IMPA2: variants seen among roughly 807,000 people sequenced by gnomAD.
The protein encoded by IMPA2 is inositol monophosphatase 2, also known as IMP 2.
In IMPA2, 32 loss-of-function variants were observed where a neutral mutation model predicts 35.1. The observed-to-expected ratio is 0.91, with a 90% CI of 0.69 to 1.23. The LOEUF (loss-of-function observed/expected upper bound fraction) is 1.23, where lower values mean the gene tolerates loss of function less well. Ranked by LOEUF, IMPA2 falls within the 50% of genes most tolerant of loss-of-function variation. The pLI is 0.00. For synonymous variants in IMPA2, 135 were observed against 160.6 expected (o/e 0.84, Z 1.20); for missense variants, 334 against 387.6 (o/e 0.86, Z 1.16).
At chr18:12,008,301 T>C in intron 2 of IMPA2, 1 of 516,850 alleles carries the variant, frequency 1.9e-6, no homozygotes, top group Middle Eastern at 3.2e-4. Context: ...TTGCTTGTTT[T>C]TCACTTATTT....
intron 1 of IMPA2, among the ~76,000 whole-genome samples, chr18:11,987,802 G>A (rs1237935800): frequency 1.3e-5 from 2 of 152,132 alleles, no homozygotes; most frequent in Non-Finnish European, 2.9e-5. Flanking sequence ...CTGCCAAGTA[G>A]TTCTCTAAAG....
intron 2 of IMPA2, chr18:12,008,714 G>A (rs1225060998): frequency 2.7e-6 from 1 of 367,794 alleles, no homozygotes; most frequent in Non-Finnish European, 5.4e-6. Flanking sequence ...TTTTTGGCCT[G>A]AGCAGGGGGT....
At chr18:12,017,352 T>G (rs1340648833) in intron 5 of IMPA2, among the ~76,000 whole-genome samples, 3 of 152,292 alleles carry the variant, frequency 2.0e-5, no homozygotes, top group Middle Eastern at 3.4e-3. Flanking sequence ...TCAGCGTGTC[T>G]CCAAAAACAG....
chr18:12,027,298 G>C (rs377539760), intron 5 of IMPA2, among the ~76,000 whole-genome samples: 1 of 152,178 alleles, frequency 6.6e-6, no homozygotes, highest in African/African-American at 2.4e-5. Context: ...CCTGAGCCAG[G>C]CTTGCCAGCC....
chr18:12,008,421 A>C, intron 2 of IMPA2: 1 of 516,048 alleles, frequency 1.9e-6, no homozygotes, highest in Non-Finnish European at 3.9e-6. Context: ...TGCACAGAAC[A>C]GATGTTTGCT....
intron 2 of IMPA2, among the ~76,000 whole-genome samples, chr18:12,003,018 C>A (rs563148419): frequency 1.3e-5 from 2 of 150,790 alleles, no homozygotes; most frequent in South Asian, 2.1e-4. Context: ...CATGGTGAAA[C>A]CCCCATCTCT....
At chr18:12,011,537 A>T (rs1295121725) in intron 3 of IMPA2, among the ~76,000 whole-genome samples, 1 of 152,226 alleles carries the variant, frequency 6.6e-6, no homozygotes, top group Non-Finnish European at 1.5e-5. Flanking sequence ...TTTTCCTGTC[A>T]GTTTGCAGTA....
chr18:12,029,094 T>G, intron 7 of IMPA2, 101 bp downstream of exon 7: 11 of 625,550 alleles, frequency 1.8e-5, no homozygotes, highest in East Asian at 3.7e-5. Flanking sequence ...TTTCCCACCT[T>G]CCCCAGAGTT....
intron 1 of IMPA2, among the ~76,000 whole-genome samples, chr18:11,987,832 T>C (rs1906707740): frequency 6.6e-6 from 1 of 152,154 alleles, no homozygotes; most frequent in African/African-American, 2.4e-5. Flanking sequence ...CAAGTTACAC[T>C]CCACCCTGCA....
intron 1 of IMPA2, among the ~76,000 whole-genome samples, chr18:11,995,372 C>CCT (rs1906932066): frequency 6.6e-6 from 1 of 152,226 alleles, no homozygotes; most frequent in Non-Finnish European, 1.5e-5. Flanking sequence ...TCAGTCCCAT[C>CCT]CTCTGGGGCA....
chr18:12,026,328 C>T (rs1598706720), intron 5 of IMPA2, among the ~76,000 whole-genome samples: 5 of 152,240 alleles, frequency 3.3e-5, no homozygotes, highest in East Asian at 1.9e-4. Flanking sequence ...CCATCGCGCC[C>T]GACCAAAAGA....
At chr18:12,029,371 C>T (rs1907982816) in intron 7 of IMPA2, among the ~76,000 whole-genome samples, 1 of 151,924 alleles carries the variant, frequency 6.6e-6, no homozygotes, top group African/African-American at 2.4e-5. Flanking sequence ...GCCTCGGTCT[C>T]CCAAAGTGCT....
intron 1 of IMPA2, among the ~76,000 whole-genome samples, chr18:11,996,887 C>T (rs1407587383): frequency 6.6e-6 from 1 of 151,836 alleles, no homozygotes; most frequent in Non-Finnish European, 1.5e-5. Context: ...TCCATACACA[C>T]CCAGAGATAC....
chr18:11,990,849 C>T (rs1244564427), intron 1 of IMPA2, among the ~76,000 whole-genome samples: 1 of 152,196 alleles, frequency 6.6e-6, no homozygotes, highest in Non-Finnish European at 1.5e-5. Flanking sequence ...GCTGCAGGGC[C>T]TTGGGCAACT....
rs1247708091 is a variant in IMPA2, at chr18:12,010,941, G to A, written c.335+954G>A. On this transcript the variant is annotated intron_variant, in intron 3 of 7. Coordinates refer to ENST00000269159, the MANE Select transcript of IMPA2 (RefSeq NM_014214.3). This position sits in a 1 kb window ranked among gnomAD's most constrained non-coding sequence, Gnocchi z 4.8. Reference sequence around the variant, plus strand: ...AGGCAGTGGAGTCGTGCCATCTGGTGCCAGCAAATGTGTCACCAATCTCTC... The same window carrying A: ...AGGCAGTGGAGTCGTGCCATCTGGTACCAGCAAATGTGTCACCAATCTCTC... Among the ~76,000 whole-genome samples, 1 of 152,158 alleles carries A rather than the reference G, an allele frequency of 6.6e-6. No individual in the cohort carries two copies. The highest frequency in any genetic ancestry group is 1.5e-5 in the Non-Finnish European group (1 of 68,028).
At chr18:12,022,528 A>AAATATATATATCTATAT (rs68185380) in intron 5 of IMPA2, among the ~76,000 whole-genome samples, 1 of 96,822 alleles carries the variant, frequency 1.0e-5, no homozygotes. Context: ...TCTCAAAAAG[A>AAATATATATATCTATAT]ATATATATAT....
At chr18:12,007,582 C>G (rs1022230401) in intron 2 of IMPA2, among the ~76,000 whole-genome samples, 99 of 112,436 alleles carry the variant, frequency 8.8e-4, no homozygotes, top group African/African-American at 3.7e-3. Flanking sequence ...TCTTTTCTTT[C>G]TTTTCTTTTC....
intron 5 of IMPA2, 108 bp from the exon 6 acceptor site, chr18:12,027,935 A>T (rs1344601858): frequency 1.4e-6 from 1 of 702,898 alleles, no homozygotes; most frequent in Non-Finnish European, 2.5e-6. Context: ...GAACCAGTCG[A>T]AAGATGATCC....
chr18:11,982,098 C>T (rs1388648649), intron 1 of IMPA2, among the ~76,000 whole-genome samples: 1 of 152,170 alleles, frequency 6.6e-6, no homozygotes, highest in African/African-American at 2.4e-5. Flanking sequence ...GACCTATGAA[C>T]GGATTCAGCT....
Sources: allele counts gnomAD v4.1 joint callset (sites outside exome capture counted in the v4.1 genomes callset), GRCh38; gene constraint gnomAD v4.1.1; non-coding constraint Gnocchi (gnomAD v3.1); transcripts MANE v1.5; gene names NCBI Gene and HGNC (gene_info 2026-07-23, HGNC 2026-07-21).